CACNB4: variants seen among roughly 807,000 people sequenced by gnomAD.
The protein encoded by CACNB4 is calcium voltage-gated channel auxiliary subunit beta 4.
In CACNB4, 32 loss-of-function variants were observed where a neutral mutation model predicts 71.2. That is an observed-to-expected ratio of 0.45 (90% confidence interval 0.34 to 0.60). The LOEUF (loss-of-function observed/expected upper bound fraction) is 0.60. Among genes scored for constraint, CACNB4 ranks in the 20% least tolerant of loss-of-function variants. The probability of loss-of-function intolerance (pLI) is 0.01; values close to 1 mark genes in which losing one functional copy is unlikely to be tolerated. For missense variants in CACNB4, 464 were observed against 647.9 expected (o/e 0.72, Z 3.08); for synonymous variants, 231 against 236.9 (o/e 0.97, Z 0.23).
intron 2 of CACNB4, among the ~76,000 whole-genome samples, chr2:151,948,003 A>T (rs2099866011): frequency 6.6e-6 from 1 of 152,086 alleles, no homozygotes. Context: ...GAAGCCAATG[A>T]CTCACTTGGC....
intron 2 of CACNB4, among the ~76,000 whole-genome samples, chr2:152,019,491 G>A (rs1227989822): frequency 6.6e-6 from 1 of 152,144 alleles, no homozygotes; most frequent in Non-Finnish European, 1.5e-5. Context: ...ATGTTTAATT[G>A]GTGAATGATG....
intron 2 of CACNB4, among the ~76,000 whole-genome samples, chr2:151,993,166 A>T (rs1208582216): frequency 2.0e-5 from 3 of 146,862 alleles, no homozygotes; most frequent in Admixed American, 2.0e-4. Context: ...TTTTTTTTTT[A>T]AACATCTTTT....
intron 2 of CACNB4, among the ~76,000 whole-genome samples, chr2:152,034,853 G>A (rs1013029950): frequency 1.3e-5 from 2 of 152,116 alleles, no homozygotes; most frequent in African/African-American, 4.8e-5. Flanking sequence ...GCTTCACTGG[G>A]ATCAACTGGT....
At chr2:151,967,304 T>C (rs888050943) in intron 2 of CACNB4, 1 of 152,344 alleles carries the variant, frequency 6.6e-6, no homozygotes, top group East Asian at 1.9e-4. Context: ...AATCTGCCCA[T>C]CTGTGCCTCC....
At chr2:151,888,682 C>T (rs932739042) in intron 2 of CACNB4, among the ~76,000 whole-genome samples, 1 of 152,228 alleles carries the variant, frequency 6.6e-6, no homozygotes, top group South Asian at 2.1e-4. Flanking sequence ...GCTTAGCTGT[C>T]CATTCACAGA....
At chr2:152,044,274 G>T (rs538151363) in intron 2 of CACNB4, among the ~76,000 whole-genome samples, 35 of 152,204 alleles carry the variant, frequency 2.3e-4, no homozygotes, top group Non-Finnish European at 4.1e-4. Context: ...AGGTTGGAGT[G>T]CAGTGGAGCA....
intron 2 of CACNB4, among the ~76,000 whole-genome samples, chr2:152,008,258 A>T (rs779501030): frequency 1.3e-5 from 2 of 151,176 alleles, no homozygotes; most frequent in Non-Finnish European, 2.9e-5. Flanking sequence ...TCCATTTTGC[A>T]ATTTACTTTT....
intron 2 of CACNB4, among the ~76,000 whole-genome samples, chr2:152,001,765 C>T (rs949172514): frequency 4.0e-5 from 6 of 151,072 alleles, no homozygotes; most frequent in African/African-American, 1.5e-4. Context: ...CAAGTGCTTC[C>T]GGAGGATGAT....
chr2:151,971,437 T>A (rs1579039499), intron 2 of CACNB4: 1 of 699,454 alleles, frequency 1.4e-6, no homozygotes, highest in Non-Finnish European at 2.6e-6. Context: ...TTTTAGTGCC[T>A]ATATATTCTC....
chr2:152,098,579 C>CCCCCCCAAAAA lies in CACNB4; in HGVS notation c.64-167_64-166insTTTTTGGGGGG. On this transcript the variant is annotated intron_variant, in intron 1 of 13. Coordinates refer to ENST00000539935, the MANE Select transcript of CACNB4 (RefSeq NM_000726.5). This position sits in a 1 kb window ranked among gnomAD's most constrained non-coding sequence, Gnocchi z 5.3. ...CCCAAATACAGCCCCCACCCCCACCCACCCACTGCAAGCCTCGACTGCTGA... is the reference window on the plus strand; with the variant it reads ...CCCAAATACAGCCCCCACCCCCACCCCCCCCCAAAAAACCCACTGCAAGCCTCGACTGCTGA... The CCCCCCCAAAAA allele has an allele frequency of 1.1e-6, 1 of 943,714 alleles. No homozygotes were observed. Among genetic ancestry groups the CCCCCCCAAAAA allele is most frequent in the Non-Finnish European group, 1.7e-6 (1 of 591,326 alleles). 58.5% of individuals were successfully genotyped at this position (943,714 alleles called of 1,614,324 possible). A position where few individuals can be genotyped will look rare whatever the true frequency, so the allele number is the denominator to read the frequency against.
At chr2:151,841,195 G>A (rs1468752754) in intron 13 of CACNB4, among the ~76,000 whole-genome samples, 2 of 152,182 alleles carry the variant, frequency 1.3e-5, no homozygotes, top group Non-Finnish European at 2.9e-5. Flanking sequence ...GGTGCGGCAG[G>A]ATTAATTAAG....
intron 2 of CACNB4, among the ~76,000 whole-genome samples, chr2:151,940,539 A>T (rs1042455504): frequency 6.6e-6 from 1 of 152,220 alleles, no homozygotes; most frequent in African/African-American, 2.4e-5. Context: ...TCATCAGGAC[A>T]TCCACAGACT....
chr2:151,871,174 C>G (rs73967706), intron 6 of CACNB4: 3 of 390,654 alleles, frequency 7.7e-6, no homozygotes, highest in Non-Finnish European at 9.2e-6. Context: ...GGGTTGTTCC[C>G]GTGCTGGACA....
Position 151,837,235 on chromosome 2 carries a change from C to T in CACNB4, c.*1884G>A, listed in dbSNP as rs762643227. The T allele has an allele frequency of 8.6e-5, 13 of 151,866 alleles. No individual in the cohort carries two copies. Among genetic ancestry groups the T allele is most frequent in the Non-Finnish European group, 1.5e-5 (1 of 67,876 alleles). 9.4% of individuals were successfully genotyped at this position (151,866 alleles called of 1,614,324 possible). A position where few individuals can be genotyped will look rare whatever the true frequency, so the allele number is the denominator to read the frequency against. ...GTTAACTTTTAAAATTTACTAAGCC[C>T]ATATTTTTTAATTGTATCAAATATT... On this transcript the variant is annotated 3_prime_UTR_variant, in exon 14 of 14. Coordinates refer to ENST00000539935, the MANE Select transcript of CACNB4 (RefSeq NM_000726.5).
At position 152,098,564 on chromosome 2, in the gene CACNB4, G is replaced by GCCGCCCCCCC; in HGVS notation, c.64-152_64-151insGGGGGGGCGG. On this transcript the variant is annotated intron_variant, in intron 1 of 13. Transcript: ENST00000539935. This position sits in a 1 kb window ranked among gnomAD's most constrained non-coding sequence, Gnocchi z 5.3. ...GTCTCCTCCGCGACTCCCAAATACAGCCCCCACCCCCACCCACCCACTGCA... is the reference window on the plus strand; with the variant it reads ...GTCTCCTCCGCGACTCCCAAATACAGCCGCCCCCCCCCCCCACCCCCACCCACCCACTGCA... The GCCGCCCCCCC allele has an allele frequency of 2.1e-6, 2 of 931,266 alleles. No homozygotes were observed. The highest frequency in any genetic ancestry group is 3.4e-6 in the Non-Finnish European group (2 of 583,192). The allele number at this position is 931,266 out of a possible 1,614,324, so 57.7% of individuals were successfully genotyped here.
chr2:152,080,836 C>CT (rs1172001514), intron 2 of CACNB4, among the ~76,000 whole-genome samples: 1 of 152,058 alleles, frequency 6.6e-6, no homozygotes, highest in Non-Finnish European at 1.5e-5. Flanking sequence ...TGATTTCATG[C>CT]TTTGAGTTCA....
At chr2:152,019,241 A>C (rs1183035375) in intron 2 of CACNB4, among the ~76,000 whole-genome samples, 1 of 152,168 alleles carries the variant, frequency 6.6e-6, no homozygotes, top group Non-Finnish European at 1.5e-5. Flanking sequence ...CCTTCAGTAA[A>C]ATTGGATGAT....
At chr2:151,995,144 TG>T (rs1681969335) in intron 2 of CACNB4, among the ~76,000 whole-genome samples, 2 of 152,176 alleles carry the variant, frequency 1.3e-5, no homozygotes, top group South Asian at 4.1e-4. Flanking sequence ...CCAAAAAGGT[TG>T]CAAGCATAAA....
intron 2 of CACNB4, among the ~76,000 whole-genome samples, chr2:151,945,577 G>A (rs1157602749): frequency 6.6e-6 from 1 of 152,106 alleles, no homozygotes. Context: ...CCTGGTCCCT[G>A]GAAGTAGAGG....
Sources: allele counts gnomAD v4.1 joint callset (sites outside exome capture counted in the v4.1 genomes callset), GRCh38; gene constraint gnomAD v4.1.1; non-coding constraint Gnocchi (gnomAD v3.1); transcripts MANE v1.5; gene names NCBI Gene and HGNC (gene_info 2026-07-23, HGNC 2026-07-21).